C2CD5: variants seen among roughly 807,000 people sequenced by gnomAD.
The protein encoded by C2CD5 is C2 domain-containing protein 5.
A neutral mutation model predicts 130.3 loss-of-function variants in C2CD5; 109 were observed. That is an observed-to-expected ratio of 0.84 (90% confidence interval 0.72 to 0.98). The LOEUF (loss-of-function observed/expected upper bound fraction) is 0.98. Ranked by LOEUF, C2CD5 falls within the 50% of genes least tolerant of loss-of-function variation. The probability of loss-of-function intolerance (pLI) is 0.00; values close to 1 mark genes in which losing one functional copy is unlikely to be tolerated. For synonymous variants in C2CD5, 454 were observed against 429.2 expected, an observed-to-expected ratio of 1.06 and a Z score of -0.71; for missense variants, 996 against 1,261.8, an observed-to-expected ratio of 0.79 and a Z score of 3.19.
intron 7 of C2CD5, among the ~76,000 whole-genome samples, 192 bp from the exon 8 acceptor site, chr12:22,518,329 G>C (rs879210227): frequency 3.7e-4 from 56 of 152,036 alleles, no homozygotes; most frequent in African/African-American, 1.3e-3. Context: ...AATATTATCT[G>C]CATTGAAACA....
intron 2 of C2CD5, among the ~76,000 whole-genome samples, chr12:22,540,499 T>C (rs941351983): frequency 2.0e-5 from 3 of 152,184 alleles, no homozygotes; most frequent in Admixed American, 6.5e-5. Flanking sequence ...AAAGGCTGAA[T>C]TCATTGATTC....
chr12:22,470,838 T>C lies in C2CD5; in HGVS notation c.2432A>G (p.Lys811Arg), dbSNP rs138291438. Reference protein sequence around the residue: ...ALQTTKTPVEKSLQRASTDNE... With the variant: ...ALQTTKTPVERSLQRASTDNE... ...TAAAGATTTACCTCTTTGCAATGAC[T>C]TTTCAACAGGGGTTTTTGTGGTTTG... The change falls in exon 21 of 27, where the codon AAG (lysine) becomes AGG (arginine). Residue 811 changes from lysine (K) to arginine (R), a missense_variant. Coordinates refer to ENST00000446597, the MANE Select transcript of C2CD5 (RefSeq NM_001286176.2). 3,729 of 1,609,530 alleles carry C rather than the reference T, an allele frequency of 2.3e-3. 7 individuals are homozygous for C. Among genetic ancestry groups the C allele is most frequent in the Non-Finnish European group, 2.9e-3 (3,438 of 1,176,230 alleles).
chr12:22,528,001 AC>A, intron 3 of C2CD5, 109 bp from the exon 4 acceptor site: 1 of 551,322 alleles, frequency 1.8e-6, no homozygotes, highest in Non-Finnish European at 2.9e-6. Context: ...ATAAAATCTT[AC>A]AGATTTCTAA....
intron 8 of C2CD5, among the ~76,000 whole-genome samples, chr12:22,514,623 T>A (rs1462338262): frequency 6.6e-6 from 1 of 152,056 alleles, no homozygotes; most frequent in Non-Finnish European, 1.5e-5. Flanking sequence ...ATCATATGGT[T>A]TAGCAACATG....
At chr12:22,502,864 CA>C (rs1172654550) in intron 10 of C2CD5, 6 of 911,460 alleles carry the variant, frequency 6.6e-6, no homozygotes, top group South Asian at 5.8e-5. Flanking sequence ...AGGAATAAAA[CA>C]AAAAACACTA....
intron 2 of C2CD5, among the ~76,000 whole-genome samples, chr12:22,536,653 T>C (rs916320713): frequency 1.3e-5 from 2 of 152,198 alleles, no homozygotes; most frequent in Non-Finnish European, 2.9e-5. Flanking sequence ...GATATAGATA[T>C]ACAAGTATTT....
chr12:22,511,264 T>A (rs528334170), intron 9 of C2CD5, among the ~76,000 whole-genome samples: 1 of 151,438 alleles, frequency 6.6e-6, no homozygotes, highest in African/African-American at 2.4e-5. Context: ...TAAAACATCA[T>A]ATAAGTAGAT....
chr12:22,458,024 CATAAG>C (rs1565643571), intron 24 of C2CD5, among the ~76,000 whole-genome samples: 1 of 152,074 alleles, frequency 6.6e-6, no homozygotes, highest in Non-Finnish European at 1.5e-5. Context: ...AAACACATGG[CATAAG>C]ATAACATATA....
chr12:22,456,317 G>A (rs1040620440), intron 25 of C2CD5, among the ~76,000 whole-genome samples: 1 of 152,164 alleles, frequency 6.6e-6, no homozygotes, highest in African/African-American at 2.4e-5. Context: ...AATTTGCTTG[G>A]TAGCCCCTGT....
intron 15 of C2CD5, among the ~76,000 whole-genome samples, chr12:22,475,506 T>C (rs1023369881): frequency 6.6e-6 from 1 of 152,138 alleles, no homozygotes; most frequent in Non-Finnish European, 1.5e-5. Context: ...TGCTGTTACA[T>C]AGCCAAAGAT....
At chr12:22,535,045 A>G (rs10842033) in intron 3 of C2CD5, 42,576 of 407,364 alleles carry the variant, frequency 0.1, 4,999 homozygotes, top group African/African-American at 0.41. Context: ...ATACATCTGA[A>G]GACTTCTTTT....
At chr12:22,509,068 C>T (rs893680657) in intron 9 of C2CD5, among the ~76,000 whole-genome samples, 6 of 151,150 alleles carry the variant, frequency 4.0e-5, no homozygotes, top group South Asian at 2.1e-4. Context: ...TTAGTAGAGA[C>T]GGGGTTTCAC....
At chr12:22,483,760 C>T (rs1230864341) in intron 13 of C2CD5, among the ~76,000 whole-genome samples, 1 of 151,822 alleles carries the variant, frequency 6.6e-6, no homozygotes, top group African/African-American at 2.4e-5. Flanking sequence ...GAGGACAGTG[C>T]CAAAGAATAC....
chr12:22,524,776 A>G (rs1171186935), intron 5 of C2CD5, 149 bp from the exon 6 acceptor site: 1 of 595,078 alleles, frequency 1.7e-6, no homozygotes, highest in East Asian at 2.9e-5. Context: ...TAATACTTCC[A>G]GTCTTCTAAG....
At position 22,484,865 on chromosome 12, in the gene C2CD5, C is replaced by T. The variant is rs371918229; in HGVS notation, c.1382G>A (p.Arg461His). 46 of 1,544,102 alleles carry T rather than the reference C, an allele frequency of 3.0e-5. No homozygotes were observed. Among genetic ancestry groups the T allele is most frequent in the African/African-American group, 9.7e-5 (7 of 72,058 alleles). Residue 461 changes from arginine to histidine, a missense_variant, in exon 13 of 27, where the codon CGT (arginine) becomes CAT (histidine). Transcript: ENST00000446597. The stretch of plus-strand genomic sequence containing the variant: ...ATATGGTATATGACAAAATCCACAA[C>T]GTGTAGGCAAATTTTCTTCAAGCCT... ...EQRLEENLPT[R>H]CGFCHIPYDE...
At chr12:22,472,218 A>G (rs1671053613) in intron 18 of C2CD5, 68 bp downstream of exon 18, 2 of 1,015,564 alleles carry the variant, frequency 2.0e-6, no homozygotes, top group Non-Finnish European at 1.5e-6. Flanking sequence ...AAAAAGACAA[A>G]TATTTAAATG....
intron 12 of C2CD5, among the ~76,000 whole-genome samples, chr12:22,488,217 A>G (rs1565711899): frequency 1.3e-5 from 2 of 152,154 alleles, no homozygotes; most frequent in Non-Finnish European, 2.9e-5. Flanking sequence ...AAGAAATAGC[A>G]AACAAATGAG....
intron 24 of C2CD5, 141 bp downstream of exon 24, chr12:22,458,343 C>T (rs1204904880): frequency 5.0e-6 from 2 of 399,134 alleles, no homozygotes; most frequent in East Asian, 3.6e-5. Context: ...CCTAAATGAC[C>T]GTTACAGTCT....
chr12:22,486,668 T>A (rs1050030277), intron 12 of C2CD5, among the ~76,000 whole-genome samples: 1 of 152,198 alleles, frequency 6.6e-6, no homozygotes, highest in African/African-American at 2.4e-5. Flanking sequence ...GATTTTAGAA[T>A]CACTGACAGT....
Sources: allele counts gnomAD v4.1 joint callset (sites outside exome capture counted in the v4.1 genomes callset), GRCh38; gene constraint gnomAD v4.1.1; transcripts MANE v1.5; gene names NCBI Gene and HGNC (gene_info 2026-07-23, HGNC 2026-07-21).